Variants in DNAJB4 observed in about 807,000 individuals in gnomAD.
DNAJB4 encodes DnaJ heat shock protein family (Hsp40) member B4.
In DNAJB4, 10 loss-of-function variants were observed where a neutral mutation model predicts 26.6. That is an observed-to-expected ratio of 0.38 (90% CI 0.23 to 0.64). The LOEUF is 0.64. Among genes scored for constraint, DNAJB4 ranks in the 30% least tolerant of loss-of-function variants. The pLI is 0.58. For missense variants in DNAJB4, 328 were observed against 408.2 expected (o/e 0.80, Z 1.69); for synonymous variants, 136 against 134.8 (o/e 1.01, Z -0.06).
At position 78,016,522 on chromosome 1, in the gene DNAJB4, C is replaced by T. The variant is rs1056292544; in HGVS notation, c.*275C>T. 5.2e-5 allele frequency: 21 copies of T among 406,060 alleles called. No homozygotes were observed. Among genetic ancestry groups the T allele is most frequent in the Non-Finnish European group, 8.4e-5 (19 of 226,842 alleles). The allele number at this position is 406,060 out of a possible 1,614,324, so 25.2% of individuals were successfully genotyped here. On this transcript the variant is annotated 3_prime_UTR_variant, in exon 3 of 3. Coordinates refer to ENST00000370763, the MANE Select transcript of DNAJB4 (RefSeq NM_007034.5). ...TATGTAAAAGTTGTTTTTGTGGAGTCAGTGGATATATTTCTAATGAAGTGC... is the reference window on the plus strand; with the variant it reads ...TATGTAAAAGTTGTTTTTGTGGAGTTAGTGGATATATTTCTAATGAAGTGC...
At position 78,005,325 on chromosome 1, in the gene DNAJB4, A is replaced by C. The variant is rs752446107; in HGVS notation, c.211+4A>C. 3 of 1,608,214 alleles carry C rather than the reference A, an allele frequency of 1.9e-6. No individual in the cohort carries two copies. The highest frequency in any genetic ancestry group is 2.5e-6 in the Non-Finnish European group (3 of 1,177,698). Reference sequence around the variant, plus strand: ...TATGATCAGTTTGGGGAGGAAGGTAAGTATTCTCTGTATATCTTTCTGTCT... The same window carrying C: ...TATGATCAGTTTGGGGAGGAAGGTACGTATTCTCTGTATATCTTTCTGTCT... On this transcript the variant is annotated splice_donor_region_variant and intron_variant, in intron 1 of 2. Coordinates refer to ENST00000370763, the MANE Select transcript of DNAJB4 (RefSeq NM_007034.5).
chr1:78,009,834 C>T (rs1273530415), intron 1 of DNAJB4, among the ~76,000 whole-genome samples: 1 of 152,152 alleles, frequency 6.6e-6, no homozygotes, highest in African/African-American at 2.4e-5. Flanking sequence ...CCATGTTGGT[C>T]AGGCTGATCT....
intron 2 of DNAJB4, among the ~76,000 whole-genome samples, chr1:78,015,049 T>C (rs146985115): frequency 0.012 from 1,848 of 152,310 alleles, 20 homozygotes; most frequent in Non-Finnish European, 0.018. Flanking sequence ...AGTTGGGTGC[T>C]CTTTCTCTTA....
intron 1 of DNAJB4, among the ~76,000 whole-genome samples, chr1:78,010,568 T>G (rs1292030159): frequency 6.6e-6 from 1 of 152,204 alleles, no homozygotes; most frequent in Non-Finnish European, 1.5e-5. Flanking sequence ...TTGGCAATTT[T>G]CAGATTATTA....
chr1:78,009,354 T>C (rs752139954), intron 1 of DNAJB4, among the ~76,000 whole-genome samples: 1 of 152,224 alleles, frequency 6.6e-6, no homozygotes, highest in Non-Finnish European at 1.5e-5. Flanking sequence ...CAACCTTAAC[T>C]AATTAGTGGG....
chr1:77,987,418 C>T (rs1217219290), intron 1 of DNAJB4, among the ~76,000 whole-genome samples: 2 of 152,152 alleles, frequency 1.3e-5, no homozygotes, highest in African/African-American at 4.8e-5. Flanking sequence ...CATGCATCAG[C>T]ACACCTGGCT....
chr1:78,005,339 ATCTT>A lies in DNAJB4; in HGVS notation c.211+22_211+25del, dbSNP rs1276525585. On this transcript the variant is annotated intron_variant, in intron 1 of 2. Coordinates refer to ENST00000370763, the MANE Select transcript of DNAJB4 (RefSeq NM_007034.5). ...GGAGGAAGGTAAGTATTCTCTGTAT[ATCTT>A]TCTGTCTCTTCAGCTCTGTCTCTTT... is the stretch of plus-strand genomic sequence containing the variant. The A allele has an allele frequency of 6.3e-7, 1 of 1,585,404 alleles. No homozygotes were observed. Among genetic ancestry groups the A allele is most frequent in the Non-Finnish European group, 8.6e-7 (1 of 1,167,414 alleles).
In DNAJB4 at chr1:78,006,142, A is replaced by G. The variant is rs369288422; in HGVS notation, c.211+821A>G. ...ACAACTTCCCTTTCCTCTCCCTGCC[A>G]TACTTTTGTTTTTTGCATTGTGAGA... On this transcript the variant is annotated intron_variant, in intron 1 of 2. Transcript: ENST00000370763. 7.9e-5 allele frequency among the ~76,000 whole-genome samples: 12 copies of G among 152,332 alleles called. No homozygotes were observed. The South Asian group carries it at 1.0e-3, about 13-fold the overall frequency.
At chr1:77,999,673 G>A (rs1471483003) in intron 1 of DNAJB4, among the ~76,000 whole-genome samples, 3 of 152,098 alleles carry the variant, frequency 2.0e-5, no homozygotes, top group Non-Finnish European at 2.9e-5. Flanking sequence ...TGTATATGTA[G>A]ATGTCATATA....
At chr1:77,992,412 C>A (rs1184920774) in intron 1 of DNAJB4, among the ~76,000 whole-genome samples, 68 of 47,736 alleles carry the variant, frequency 1.4e-3, no homozygotes, top group South Asian at 9.9e-3. Flanking sequence ...GACTCCGTCT[C>A]AAAAAAAAAA....
chr1:78,014,127 C>CT (rs200230733), intron 2 of DNAJB4, among the ~76,000 whole-genome samples: 6,620 of 145,522 alleles, frequency 0.045, 182 homozygotes, highest in African/African-American at 0.051. Context: ...TGCACTATTT[C>CT]TTTTTTTTTT....
chr1:78,015,660 C>G (rs1660622446), intron 2 of DNAJB4, among the ~76,000 whole-genome samples: 1 of 151,334 alleles, frequency 6.6e-6, no homozygotes, highest in African/African-American at 2.4e-5. Flanking sequence ...AGTGATTCTC[C>G]TGCCTCAGCT....
At chr1:78,015,547 CTTCT>C (rs1660615974) in intron 2 of DNAJB4, among the ~76,000 whole-genome samples, 1 of 50,722 alleles carries the variant, frequency 2.0e-5, no homozygotes, top group African/African-American at 8.8e-5. Context: ...TTCTTTCTTT[CTTCT>C]TTTTTTTTTT....
At chr1:77,983,990 T>C (rs1330160221) in intron 1 of DNAJB4, among the ~76,000 whole-genome samples, 1 of 152,232 alleles carries the variant, frequency 6.6e-6, no homozygotes, top group Non-Finnish European at 1.5e-5. Flanking sequence ...GAAACAGCTT[T>C]TTTTAAACTG....
intron 1 of DNAJB4, among the ~76,000 whole-genome samples, chr1:77,988,805 T>TCC (rs925795446): frequency 8.5e-5 from 13 of 152,294 alleles, no homozygotes; most frequent in African/African-American, 2.9e-4. Flanking sequence ...TTATTGTATC[T>TCC]CCCCCTACTA....
chr1:77,988,519 A>C (rs904348809), intron 1 of DNAJB4, among the ~76,000 whole-genome samples: 2 of 152,052 alleles, frequency 1.3e-5, no homozygotes, highest in Non-Finnish European at 2.9e-5. Flanking sequence ...CACCATCTCT[A>C]TCATTCTGAC....
intron 2 of DNAJB4, among the ~76,000 whole-genome samples, chr1:78,015,121 T>G (rs942443979): frequency 6.6e-6 from 1 of 152,232 alleles, no homozygotes; most frequent in Admixed American, 6.5e-5. Context: ...GCTAGTTTGC[T>G]TCTATGTTTC....
At chr1:77,983,109 G>T (rs1390384333) in intron 1 of DNAJB4, among the ~76,000 whole-genome samples, 1 of 152,180 alleles carries the variant, frequency 6.6e-6, no homozygotes, top group Non-Finnish European at 1.5e-5. Context: ...ACAATTGTGG[G>T]GAGAGGGTCA....
intron 1 of DNAJB4, among the ~76,000 whole-genome samples, chr1:78,008,516 T>C (rs993753349): frequency 1.3e-5 from 2 of 152,196 alleles, no homozygotes; most frequent in South Asian, 2.1e-4. Context: ...ATTTTATTTA[T>C]GTGAAATGTC....
Sources: allele counts gnomAD v4.1 joint callset (sites outside exome capture counted in the v4.1 genomes callset), GRCh38; gene constraint gnomAD v4.1.1; transcripts MANE v1.5; gene names NCBI Gene and HGNC (gene_info 2026-07-23, HGNC 2026-07-21).